Variants in C8orf34 observed in about 807,000 individuals in gnomAD.
C8orf34 encodes chromosome 8 open reading frame 34.
In C8orf34, 65 loss-of-function variants were observed where a neutral mutation model predicts 68.3. The observed-to-expected ratio is 0.95, with a 90% confidence interval of 0.78 to 1.17. The LOEUF (loss-of-function observed/expected upper bound fraction) is 1.17. C8orf34 is among the 50% of genes most tolerant of loss of function. The probability of loss-of-function intolerance (pLI) is 0.00; values close to 1 mark genes in which losing one functional copy is unlikely to be tolerated. For synonymous variants in C8orf34, 244 were observed against 241.2 expected, an observed-to-expected ratio of 1.01 and a Z score of -0.11; for missense variants, 664 against 655.4, an observed-to-expected ratio of 1.01 and a Z score of -0.14.
intron 6 of C8orf34, among the ~76,000 whole-genome samples, chr8:68,522,371 A>G (rs1814792909): frequency 6.6e-6 from 1 of 152,234 alleles, no homozygotes; most frequent in Non-Finnish European, 1.5e-5. Flanking sequence ...TATTAAATGT[A>G]TAATAGACCA....
intron 6 of C8orf34, among the ~76,000 whole-genome samples, chr8:68,529,918 A>G (rs1390696239): frequency 6.6e-6 from 1 of 152,098 alleles, no homozygotes; most frequent in African/African-American, 2.4e-5. Context: ...AGTAAGCACA[A>G]GCAGTAGTCA....
At chr8:68,474,409 G>T (rs1458294335) in intron 4 of C8orf34, among the ~76,000 whole-genome samples, 1 of 152,148 alleles carries the variant, frequency 6.6e-6, no homozygotes, top group East Asian at 1.9e-4. Flanking sequence ...TCTAAGATAT[G>T]TTTTGAGTCT....
chr8:68,818,175 T>C, intron 13 of C8orf34, 64 bp from the exon 14 acceptor site: 2 of 1,553,852 alleles, frequency 1.3e-6, no homozygotes, highest in Non-Finnish European at 1.8e-6. Context: ...TTTTTCTTTT[T>C]AATATGCTAT....
chr8:68,466,094 G>T (rs1307601885), intron 3 of C8orf34, among the ~76,000 whole-genome samples: 1 of 151,100 alleles, frequency 6.6e-6, no homozygotes, highest in African/African-American at 2.4e-5. Context: ...GAAACTGGAG[G>T]TTATTATCTT....
intron 8 of C8orf34, among the ~76,000 whole-genome samples, chr8:68,702,612 A>G (rs1019209536): frequency 1.3e-5 from 2 of 152,146 alleles, no homozygotes; most frequent in African/African-American, 4.8e-5. Context: ...TTTCCATGAT[A>G]ATGTACAGAA....
At chr8:68,525,952 CTTTCTT>C in intron 6 of C8orf34, 2 of 177,824 alleles carry the variant, frequency 1.1e-5, no homozygotes, top group Non-Finnish European at 2.2e-5. Flanking sequence ...AAATTTCTTT[CTTTCTT>C]TTTTTTTTTT....
At chr8:68,726,655 T>C (rs1402891672) in intron 10 of C8orf34, among the ~76,000 whole-genome samples, 1 of 152,122 alleles carries the variant, frequency 6.6e-6, no homozygotes, top group Non-Finnish European at 1.5e-5. Flanking sequence ...AGAGGTTTAA[T>C]TGGACTTACA....
At chr8:68,562,468 A>T (rs1419259762) in intron 7 of C8orf34, among the ~76,000 whole-genome samples, 1 of 152,198 alleles carries the variant, frequency 6.6e-6, no homozygotes, top group Admixed American at 6.5e-5. Context: ...ATTGTGTTAG[A>T]CACCATTTAT....
At chr8:68,353,866 A>G (rs956579143) in intron 1 of C8orf34, among the ~76,000 whole-genome samples, 1 of 151,780 alleles carries the variant, frequency 6.6e-6, no homozygotes, top group Non-Finnish European at 1.5e-5. Flanking sequence ...ATACAGGAGG[A>G]TGTGCATAGT....
At chr8:68,342,033 T>C (rs1008335960) in intron 1 of C8orf34, among the ~76,000 whole-genome samples, 19 of 152,328 alleles carry the variant, frequency 1.2e-4, no homozygotes, top group African/African-American at 4.3e-4. Flanking sequence ...TTAACAATTA[T>C]GTATTGTATA....
At chr8:68,626,244 A>G (rs1047763696) in intron 7 of C8orf34, among the ~76,000 whole-genome samples, 3 of 152,178 alleles carry the variant, frequency 2.0e-5, no homozygotes, top group African/African-American at 7.2e-5. Flanking sequence ...CAAAGACAGA[A>G]TACAAGGAAA....
chr8:68,690,680 G>A (rs1459689276), intron 8 of C8orf34, among the ~76,000 whole-genome samples: 1 of 151,960 alleles, frequency 6.6e-6, no homozygotes, highest in East Asian at 1.9e-4. Context: ...TACTGTCAAA[G>A]TAGAGACTAA....
Position 68,452,541 on chromosome 8 carries a change from T to A in C8orf34, c.607+6081T>A, listed in dbSNP as rs542249786. ...TAATAGTTTTGAGCATCTTTTCAAG[T>A]GTTTCTTGGCCATTTGAATATCTTC... On this transcript the variant is annotated intron_variant, in intron 3 of 13. Coordinates refer to ENST00000518698, the MANE Select transcript of C8orf34 (RefSeq NM_052958.4). Among the ~76,000 whole-genome samples, 4 of 151,572 alleles carry A rather than the reference T, an allele frequency of 2.6e-5. No homozygotes were observed. In the East Asian group the frequency reaches 7.7e-4, roughly 29 times the overall value.
intron 7 of C8orf34, among the ~76,000 whole-genome samples, chr8:68,598,478 T>C (rs188437668): frequency 6.6e-6 from 1 of 152,146 alleles, no homozygotes; most frequent in Non-Finnish European, 1.5e-5. Flanking sequence ...GAAGAGGCCG[T>C]GGCACAGCTA....
At chr8:68,754,256 A>T (rs957787399) in intron 10 of C8orf34, among the ~76,000 whole-genome samples, 39 of 152,224 alleles carry the variant, frequency 2.6e-4, no homozygotes, top group Non-Finnish European at 3.5e-4. Flanking sequence ...CCTTAGAAAA[A>T]GTAAAATCCT....
rs539909892 is a variant in C8orf34, at chr8:68,537,475, T to TTA, written c.1105+4326_1105+4327insTA. ...TTTCTTTTTATTTTCTTTTTTTTTT[T>TTA]AAAGAGATCAAGTCTTGCTTTGGCT... is the stretch of plus-strand genomic sequence containing the variant. On this transcript the variant is annotated intron_variant, in intron 7 of 13. Transcript: ENST00000518698. Among the ~76,000 whole-genome samples the TTA allele has an allele frequency of 3.2e-3, 491 of 151,402 alleles. 3 individuals are homozygous for TTA. The highest frequency in any genetic ancestry group is 0.011 in the African/African-American group (453 of 41,276).
In C8orf34 at chr8:68,709,093, C is replaced by A. The variant is rs1053703132; in HGVS notation, c.1327+14C>A. 2.5e-6 allele frequency: 4 copies of A among 1,590,146 alleles called. No homozygotes were observed. The East Asian group carries it at 6.8e-5, about 27-fold the overall frequency. ...CAGATTCATTCGGTAAGTTTTAAGT[C>A]CAACAATATTTATTGCAGTTCTAGT... On this transcript the variant is annotated intron_variant, in intron 9 of 13. Coordinates refer to ENST00000518698, the MANE Select transcript of C8orf34 (RefSeq NM_052958.4).
chr8:68,349,447 G>A (rs573576231), intron 1 of C8orf34, among the ~76,000 whole-genome samples: 1 of 151,848 alleles, frequency 6.6e-6, no homozygotes, highest in African/African-American at 2.4e-5. Context: ...TTTTTTTATT[G>A]TGTCTTTGCC....
intron 7 of C8orf34, among the ~76,000 whole-genome samples, chr8:68,580,732 A>C (rs1375081839): frequency 6.6e-6 from 1 of 152,198 alleles, no homozygotes. Flanking sequence ...ATTTGTACCA[A>C]AGTTATTAAC....
Sources: gnomAD v4.1 joint callset for allele counts (sites outside exome capture counted in the v4.1 genomes callset) on GRCh38, gnomAD v4.1.1 for gene constraint, MANE v1.5 for transcripts, NCBI Gene and HGNC (gene_info 2026-07-23, HGNC 2026-07-21) for gene names.